The following YARS2 variants were observed in gnomAD, a reference collection of about 807,000 sequenced individuals.
YARS2 encodes the protein tyrosine--tRNA ligase, mitochondrial.
Under a neutral mutation model 45.0 loss-of-function variants are expected in YARS2, and 38 were observed. The observed-to-expected ratio is 0.84, with a 90% confidence interval of 0.65 to 1.11. The LOEUF is 1.11. Ranked by LOEUF, YARS2 falls within the 50% of genes least tolerant of loss-of-function variation. The probability of loss-of-function intolerance (pLI) is 0.00; values close to 1 mark genes in which losing one functional copy is unlikely to be tolerated. For missense variants in YARS2, 602 were observed against 599.8 expected, an observed-to-expected ratio of 1.00 and a Z score of -0.04; for synonymous variants, 287 against 245.1, an observed-to-expected ratio of 1.17 and a Z score of -1.60.
chr12:32,755,866 C>G lies in YARS2; in HGVS notation c.9G>C (p.Ala3=), dbSNP rs748598977. 1 of 1,613,148 alleles carries G rather than the reference C, an allele frequency of 6.2e-7. No individual in the cohort carries two copies. Among genetic ancestry groups the G allele is most frequent in the South Asian group, 1.1e-5 (1 of 91,082 alleles). ...CCCAGGAAAAGGACCGCAAGATGGG[C>G]GCCGCCATCTTGGTAGCGGCACGAA... MA[A]PILRSFSWGR... The change falls in exon 1 of 5, where the codon GCG becomes GCC. Residue 3 remains alanine (A), a synonymous_variant. Transcript: ENST00000324868.
Position 32,755,449 on chromosome 12 carries a change from T to C in YARS2, c.426A>G (p.Arg142=). 1 of 1,612,908 alleles carries C rather than the reference T, an allele frequency of 6.2e-7. No individual in the cohort carries two copies. Among genetic ancestry groups the C allele is most frequent in the East Asian group, 2.2e-5 (1 of 44,840 alleles). The part of the protein sequence containing the change: ...LETERVRANA[R]ALRLGLEALA... ...GGGCCTCAAGCCCTAGGCGCAGAGC[T>C]CGCGCGTTGGCTCGCACGCGCTCTG... Residue 142 remains arginine, a synonymous_variant, in exon 1 of 5, where the codon CGA becomes CGG. Transcript: ENST00000324868.
rs1173933794 is a variant in YARS2, at chr12:32,755,540, A to C, written c.335T>G (p.Val112Gly). 1 of 1,613,342 alleles carries C rather than the reference A, an allele frequency of 6.2e-7. No individual in the cohort carries two copies. Among genetic ancestry groups the C allele is most frequent in the East Asian group, 2.2e-5 (1 of 44,886 alleles). ...TCCCAGGCGCGCCGTGGCGCCTCCC[A>C]CCAGCGCGATCACGTTGTGGCCCGC... ...QRAGHNVIAL[V>G]GGATARLGDP... Residue 112 changes from valine to glycine, a missense_variant, in exon 1 of 5, where the codon GTG (valine) becomes GGG (glycine). Val to Gly is a moderately radical substitution (Grantham distance 109). Coordinates refer to ENST00000324868, the MANE Select transcript of YARS2 (RefSeq NM_001040436.3).
intron 2 of YARS2, 65 bp from the exon 3 acceptor site, chr12:32,750,939 T>C: frequency 6.3e-7 from 1 of 1,577,952 alleles, no homozygotes; most frequent in Non-Finnish European, 8.6e-7. Flanking sequence ...CCAGCTCTTC[T>C]ACCCTTTAAG....
chr12:32,754,711 CT>C (rs755897245), intron 1 of YARS2, among the ~76,000 whole-genome samples: 1,697 of 126,702 alleles, frequency 0.013, 15 homozygotes, highest in African/African-American at 0.046. Context: ...GTCTGTTTCC[CT>C]TTTTTTTTTT....
rs1022102710 is a variant in YARS2, at chr12:32,750,207, A to G, written c.1104-100T>C. ...TATAGAGTGTCCAAGTTCTAGACTA[A>G]AAGTTTTTTTTTGAGATGGAGTCTC... On this transcript the variant is annotated intron_variant, in intron 3 of 4. Coordinates refer to ENST00000324868, the MANE Select transcript of YARS2 (RefSeq NM_001040436.3). 7.4e-5 allele frequency: 110 copies of G among 1,486,630 alleles called. No homozygotes were observed. In the South Asian group the frequency reaches 1.1e-3, roughly 15 times the overall value. 92.1% of individuals were successfully genotyped at this position (1,486,630 alleles called of 1,614,324 possible). A position where few individuals can be genotyped will look rare whatever the true frequency, so the allele number is the denominator to read the frequency against.
At chr12:32,754,583 A>C (rs1383930639) in intron 1 of YARS2, among the ~76,000 whole-genome samples, 1 of 152,220 alleles carries the variant, frequency 6.6e-6, no homozygotes, top group East Asian at 1.9e-4. Flanking sequence ...GCTAAAGCAG[A>C]GGCTAGCTAC....
rs1303038131 is a variant in YARS2, at chr12:32,750,091, A to G, written c.1120T>C (p.Tyr374His). 6.2e-7 allele frequency: 1 copy of G among 1,614,108 alleles called. No homozygotes were observed. Among genetic ancestry groups the G allele is most frequent in the Non-Finnish European group, 8.5e-7 (1 of 1,179,984 alleles). ...DSAKRCTQAL[Y>H]HSSIDALEVM... ...TCCAGTGCATCTATGCTACTGTGAT[A>G]AAGGGCTTGTGTACACCTGAAAAAC... Residue 374 changes from tyrosine to histidine, a missense_variant, in exon 4 of 5, where the codon TAT becomes CAT. By Grantham distance (83) the Tyr-to-His change is moderately conservative. Transcript: ENST00000324868.
intron 2 of YARS2, among the ~76,000 whole-genome samples, chr12:32,752,270 A>G (rs1183338580): frequency 6.6e-6 from 1 of 152,222 alleles, no homozygotes; most frequent in East Asian, 1.9e-4. Flanking sequence ...ATATAGCTTA[A>G]TGAATCATAA....
chr12:32,753,276 C>T (rs1176149564), intron 2 of YARS2, among the ~76,000 whole-genome samples: 2 of 152,012 alleles, frequency 1.3e-5, no homozygotes, highest in African/African-American at 4.8e-5. Context: ...GATTCTGTTT[C>T]AAAAAATACA....
chr12:32,749,972 G>T lies in YARS2; in HGVS notation c.1239C>A (p.Cys413Ter), dbSNP rs763903461. 6.2e-7 allele frequency: 1 copy of T among 1,614,090 alleles called. No individual in the cohort carries two copies. The highest frequency in any genetic ancestry group is 8.5e-7 in the Non-Finnish European group (1 of 1,180,006). Residue 413 changes from cysteine (C) to a stop codon, truncating the protein, a stop_gained, in exon 4 of 5, where the codon TGC (cysteine) becomes TGA (stop). Coordinates refer to ENST00000324868, the MANE Select transcript of YARS2 (RefSeq NM_001040436.3). LOFTEE classifies it high-confidence loss of function. ...LDPGTSVLDT[C>*]RKANAIPDGP... is the part of the protein sequence containing the mutation. Reference sequence around the variant, plus strand: ...CATCTGGAATGGCATTTGCTTTGCGGCAAGTATCTAGGACACTTGTTCCAG... The same window carrying T: ...CATCTGGAATGGCATTTGCTTTGCGTCAAGTATCTAGGACACTTGTTCCAG...
At chr12:32,747,388 G>C in intron 4 of YARS2, 25 bp from the exon 5 acceptor site, 1 of 1,611,476 alleles carries the variant, frequency 6.2e-7, no homozygotes, top group South Asian at 1.1e-5. Context: ...CGTTTAGTAA[G>C]TAGAGAGATC....
chr12:32,750,127 A>G lies in YARS2; in HGVS notation c.1104-20T>C. ...GTACACCTGAAAAACACATTTTAAGAGCTACATCATATAAATGTTTATTCA... is the reference window on the plus strand; with the variant it reads ...GTACACCTGAAAAACACATTTTAAGGGCTACATCATATAAATGTTTATTCA... On this transcript the variant is annotated intron_variant, in intron 3 of 4. Transcript: ENST00000324868. 1 of 1,613,434 alleles carries G rather than the reference A, an allele frequency of 6.2e-7. No individual in the cohort carries two copies. The highest frequency in any genetic ancestry group is 8.5e-7 in the Non-Finnish European group (1 of 1,179,624).
At position 32,755,302 on chromosome 12, in the gene YARS2, A is replaced by AC. The variant is rs770210023; in HGVS notation, c.572dup (p.His192SerfsTer37). Reference sequence around the variant, plus strand: ...TCAGCAGCGTCCCCATGCGGAAGTGACCCCCCACTGCCGCCAGGAAGTCCA... The same window carrying AC: ...TCAGCAGCGTCCCCATGCGGAAGTGACCCCCCCACTGCCGCCAGGAAGTCCA... On this transcript the variant is annotated frameshift_variant, in exon 1 of 5. Transcript: ENST00000324868. LOFTEE classifies it high-confidence loss of function. The AC allele has an allele frequency of 5.6e-6, 9 of 1,613,530 alleles. No individual in the cohort carries two copies. The highest frequency in any genetic ancestry group is 1.7e-5 in the Admixed American group (1 of 59,968).
At position 32,755,643 on chromosome 12, in the gene YARS2, A is replaced by G. The variant is rs1309384716; in HGVS notation, c.232T>C (p.Cys78Arg). The change falls in exon 1 of 5, where the codon TGT becomes CGT. Residue 78 changes from cysteine to arginine, a missense_variant. Transcript: ENST00000324868. The part of the protein sequence containing the change: ...GTASFPQTIY[C>R]GFDPTADSLH... ...GAGTCTGCCGTGGGGTCGAAGCCACAGTAAATGGTTTGGGGAAAACTCGCC... is the reference window on the plus strand; with the variant it reads ...GAGTCTGCCGTGGGGTCGAAGCCACGGTAAATGGTTTGGGGAAAACTCGCC... 1.2e-6 allele frequency: 2 copies of G among 1,614,246 alleles called. No homozygotes were observed. The highest frequency in any genetic ancestry group is 1.1e-5 in the South Asian group (1 of 91,088).
At chr12:32,754,711 C>CTTTTTTT (rs755897245) in intron 1 of YARS2, among the ~76,000 whole-genome samples, 1 of 126,720 alleles carries the variant, frequency 7.9e-6, no homozygotes, top group Non-Finnish European at 1.6e-5. Flanking sequence ...GTCTGTTTCC[C>CTTTTTTT]TTTTTTTTTT....
At chr12:32,750,668 T>G in intron 3 of YARS2, 51 bp downstream of exon 3, 1 of 1,606,688 alleles carries the variant, frequency 6.2e-7, no homozygotes, top group Non-Finnish European at 8.5e-7. Flanking sequence ...TTTTCTCATG[T>G]CTATCCACTG....
chr12:32,755,819 T>A lies in YARS2; in HGVS notation c.56A>T (p.Asn19Ile). 1 of 1,613,484 alleles carries A rather than the reference T, an allele frequency of 6.2e-7. No homozygotes were observed. The highest frequency in any genetic ancestry group is 1.1e-5 in the South Asian group (1 of 91,072). The change falls in exon 1 of 5, where the codon AAT becomes ATT. Residue 19 changes from asparagine to isoleucine, a missense_variant. Transcript: ENST00000324868. ...FSWGRWSGTL[N>I]LSVLLPLGLR... ...CCCCAAGGGCAACAATACTGAGAGA[T>A]TTAGGGTACCAGACCACCGGCCCCA... is the stretch of plus-strand genomic sequence containing the variant.
At chr12:32,747,420 C>CT in intron 4 of YARS2, 57 bp from the exon 5 acceptor site, 1 of 1,570,354 alleles carries the variant, frequency 6.4e-7, no homozygotes, top group Non-Finnish European at 8.7e-7. Context: ...GATCTGTCCC[C>CT]CAAAAAAGAC....
rs1489165874 is a variant in YARS2, at chr12:32,755,168, T to C, written c.707A>G (p.Tyr236Cys). Residue 236 changes from tyrosine to cysteine, a missense_variant, in exon 1 of 5, where the codon TAT becomes TGT. Physicochemically the swap from Tyr to Cys is radical, Grantham distance 194. Coordinates refer to ENST00000324868, the MANE Select transcript of YARS2 (RefSeq NM_001040436.3). ...AYDFYYLFQR[Y>C]GCRVQLGGSD... ...TCCGCCCAGCTGGACCCTGCATCCATAACGCTGGAAGAGGTAATAGAAGTC... is the reference window on the plus strand; with the variant it reads ...TCCGCCCAGCTGGACCCTGCATCCACAACGCTGGAAGAGGTAATAGAAGTC... The C allele has an allele frequency of 3.7e-6, 6 of 1,614,076 alleles. No individual in the cohort carries two copies. The South Asian group carries it at 5.5e-5, about 15-fold the overall frequency.
Sources: gnomAD v4.1 joint callset for allele counts (sites outside exome capture counted in the v4.1 genomes callset) on GRCh38, gnomAD v4.1.1 for gene constraint, MANE v1.5 for transcripts, NCBI Gene and HGNC (gene_info 2026-07-23, HGNC 2026-07-21) for gene names.